The following ATP5MC2 variants were observed in gnomAD, a reference collection of about 807,000 sequenced individuals.
The protein encoded by ATP5MC2 is ATP synthase membrane subunit c locus 2.
Under a neutral mutation model 13.5 loss-of-function variants are expected in ATP5MC2, and 11 were observed. That is an observed-to-expected ratio of 0.81 (90% CI 0.51 to 1.35). The LOEUF (loss-of-function observed/expected upper bound fraction) is 1.35, where lower values mean the gene tolerates loss of function less well. Ranked by LOEUF, ATP5MC2 falls within the 40% of genes most tolerant of loss-of-function variation. ATP5MC2 has a pLI of 0.00. For synonymous variants in ATP5MC2, 64 were observed against 69.7 expected (o/e 0.92, Z 0.41); for missense variants, 132 against 175.0 (o/e 0.75, Z 1.39).
At chr12:53,672,490 G>A in intron 2 of ATP5MC2, 86 bp downstream of exon 2, 1 of 1,384,710 alleles carries the variant, frequency 7.2e-7, no homozygotes, top group African/African-American at 1.4e-5. Flanking sequence ...CTCTCCCCCA[G>A]CCTTGCTGTG....
At chr12:53,667,651 C>CA (rs1218214460) in intron 4 of ATP5MC2, among the ~76,000 whole-genome samples, 4 of 151,950 alleles carry the variant, frequency 2.6e-5, no homozygotes, top group African/African-American at 9.7e-5. Context: ...CATCTGCCAC[C>CA]ATGCCTGGCT....
At position 53,665,415 on chromosome 12, in the gene ATP5MC2, T is replaced by G; in HGVS notation, c.325A>C (p.Lys109Gln). Residue 109 changes from lysine to glutamine, a missense_variant, in exon 5 of 5, where the codon AAG (lysine) becomes CAG (glutamine). By Grantham distance (53) the Lys-to-Gln change is moderately conservative. Coordinates refer to ENST00000394349, the MANE Select transcript of ATP5MC2 (RefSeq NM_005176.7). ...IIGYARNPSL[K>Q]QQLFSYAILG... ...ATGGCGTAGGAGAAGAGCTGTTGCTTCAGAGAAGGGTTCCTGGTAGAAGGA... is the reference window on the plus strand; with the variant it reads ...ATGGCGTAGGAGAAGAGCTGTTGCTGCAGAGAAGGGTTCCTGGTAGAAGGA... 1 of 1,613,880 alleles carries G rather than the reference T, an allele frequency of 6.2e-7. No homozygotes were observed. Among genetic ancestry groups the G allele is most frequent in the Non-Finnish European group, 8.5e-7 (1 of 1,179,796 alleles).
upstream of ATP5MC2, among the ~76,000 whole-genome samples, chr12:53,677,617 G>A (rs1565630778): frequency 6.6e-6 from 1 of 152,216 alleles, no homozygotes; most frequent in Non-Finnish European, 1.5e-5. Context: ...GTGGTAGACT[G>A]CCTGTCTTTC....
In ATP5MC2 at chr12:53,666,684, C is replaced by T. The variant is rs142033078; in HGVS notation, c.312-1256G>A. On this transcript the variant is annotated intron_variant, in intron 4 of 4. Transcript: ENST00000394349. ...CTGAGGCAAGAGAATTGCTTGAACC[C>T]GAGAGGCAGAGGTTGCAGTGAGCTG... Among the ~76,000 whole-genome samples, 205 of 151,724 alleles carry T rather than the reference C, an allele frequency of 1.4e-3. 2 individuals carry two copies. The East Asian group carries it at 0.029, about 21-fold the overall frequency.
chr12:53,675,915 A>C, intron 1 of ATP5MC2, 138 bp downstream of exon 1: 3 of 1,303,194 alleles, frequency 2.3e-6, no homozygotes, highest in Non-Finnish European at 3.1e-6. Flanking sequence ...CTCTAAGGCT[A>C]AGGGATAGCG....
chr12:53,666,833 C>T (rs184859285), intron 4 of ATP5MC2, among the ~76,000 whole-genome samples: 80 of 150,934 alleles, frequency 5.3e-4, no homozygotes, highest in African/African-American at 1.8e-3. Flanking sequence ...GTAATCCCAG[C>T]TACTTGGGAG....
chr12:53,679,238 C>CGAGAGAGAGAGAGAGAGAGAGAGAGA (rs59340879), upstream of ATP5MC2, among the ~76,000 whole-genome samples: 1 of 127,684 alleles, frequency 7.8e-6, no homozygotes, highest in African/African-American at 3.3e-5. Flanking sequence ...ATTTTAAAAA[C>CGAGAGAGAGAGAGAGAGAGAGAGAGA]GAGAGAGAGA....
chr12:53,668,933 C>A (rs376255938), intron 4 of ATP5MC2, among the ~76,000 whole-genome samples: 89 of 152,006 alleles, frequency 5.9e-4, no homozygotes, highest in African/African-American at 2.1e-3. Flanking sequence ...GCACAAGAAT[C>A]GCTTGAACCC....
chr12:53,676,011 G>C (rs1338185620), intron 1 of ATP5MC2, 42 bp downstream of exon 1: 2 of 1,600,220 alleles, frequency 1.2e-6, no homozygotes, highest in Admixed American at 1.7e-5. Flanking sequence ...TGTCCCGCGC[G>C]CGTGCGCAGC....
intron 1 of ATP5MC2, chr12:53,673,914 C>A (rs1454449837): frequency 6.5e-6 from 1 of 154,414 alleles, no homozygotes; most frequent in Non-Finnish European, 1.5e-5. Flanking sequence ...GTGAACTTAC[C>A]TCAAACAGAA....
At chr12:53,676,832 C>G, upstream of ATP5MC2, 1 of 152,168 alleles carries the variant, frequency 6.6e-6, no homozygotes, top group Non-Finnish European at 1.5e-5. Flanking sequence ...GCAGCGCCCT[C>G]CCCTCCCGCC....
At chr12:53,673,534 G>A (rs1429494592) in intron 1 of ATP5MC2, 1 of 152,084 alleles carries the variant, frequency 6.6e-6, no homozygotes, top group Non-Finnish European at 1.5e-5. Flanking sequence ...TATCCAAAAG[G>A]TATTAGTGGC....
upstream of ATP5MC2, among the ~76,000 whole-genome samples, chr12:53,678,709 A>G (rs1414731046): frequency 1.3e-5 from 2 of 152,094 alleles, no homozygotes; most frequent in African/African-American, 4.8e-5. Context: ...GATCCAAGAG[A>G]AGCTTAGCTG....
chr12:53,679,386 AT>A (rs1008938096), upstream of ATP5MC2, among the ~76,000 whole-genome samples: 4 of 152,104 alleles, frequency 2.6e-5, no homozygotes, highest in African/African-American at 9.7e-5. Flanking sequence ...ATACTTTATG[AT>A]GTGTTTTGCT....
chr12:53,677,869 A>G (rs928284887), upstream of ATP5MC2, among the ~76,000 whole-genome samples: 1 of 152,218 alleles, frequency 6.6e-6, no homozygotes, highest in Non-Finnish European at 1.5e-5. Flanking sequence ...GTCTCCAGAC[A>G]TCTCCATTCC....
upstream of ATP5MC2, among the ~76,000 whole-genome samples, chr12:53,681,288 G>T (rs1158652882): frequency 6.6e-6 from 1 of 151,648 alleles, no homozygotes; most frequent in Non-Finnish European, 1.5e-5. Flanking sequence ...CACTTTGGGA[G>T]GCCAAGGCAG....
intron 1 of ATP5MC2, among the ~76,000 whole-genome samples, chr12:53,674,224 G>A (rs1945199723): frequency 6.6e-6 from 1 of 151,976 alleles, no homozygotes; most frequent in South Asian, 2.1e-4. Context: ...TGCACCTGTA[G>A]TCCCAGCTAC....
At chr12:53,676,300 G>T, upstream of ATP5MC2, 1 of 1,508,328 alleles carries the variant, frequency 6.6e-7, no homozygotes, top group Non-Finnish European at 9.0e-7. Flanking sequence ...GGCCAACTCC[G>T]CGGAGTAAGC....
intron 4 of ATP5MC2, among the ~76,000 whole-genome samples, chr12:53,666,265 G>A (rs1944911659): frequency 6.6e-6 from 1 of 152,010 alleles, no homozygotes; most frequent in African/African-American, 2.4e-5. Flanking sequence ...CCAACCTGGT[G>A]AAACCCTGTC....
Sources: gnomAD v4.1 joint callset for allele counts (sites outside exome capture counted in the v4.1 genomes callset) on GRCh38, gnomAD v4.1.1 for gene constraint, MANE v1.5 for transcripts, NCBI Gene and HGNC (gene_info 2026-07-23, HGNC 2026-07-21) for gene names.